The following ATP9A variants were observed in gnomAD, a reference collection of about 807,000 sequenced individuals.
The protein encoded by ATP9A is probable phospholipid-transporting ATPase IIA.
ATP9A carries 52 observed loss-of-function variants against 144.1 expected under a neutral mutation model. That is an observed-to-expected ratio of 0.36 (90% CI 0.29 to 0.45). The LOEUF is 0.45. Ranked by LOEUF, ATP9A falls within the 20% of genes least tolerant of loss-of-function variation. The pLI is 1.00. For missense variants in ATP9A, 947 were observed against 1,392.7 expected (o/e 0.68, Z 5.09); for synonymous variants, 582 against 557.4 (o/e 1.04, Z -0.62).
chr20:51,754,808 A>G (rs999146518), intron 1 of ATP9A, among the ~76,000 whole-genome samples: 1 of 151,510 alleles, frequency 6.6e-6, no homozygotes, highest in Admixed American at 6.6e-5. Flanking sequence ...AGAGTGAGAC[A>G]CTGTCTCAAT....
At chr20:51,628,948 A>C in intron 16 of ATP9A, 32 bp downstream of exon 16, 1 of 1,577,250 alleles carries the variant, frequency 6.3e-7, no homozygotes, top group East Asian at 2.2e-5. Flanking sequence ...CATGCTTCCA[A>C]GGCCTGGTTT....
chr20:51,627,731 A>T, intron 16 of ATP9A, 48 bp from the exon 17 acceptor site: 2 of 1,499,296 alleles, frequency 1.3e-6, no homozygotes, highest in Non-Finnish European at 1.9e-6. Context: ...AGAGCTCCTG[A>T]CCTCACTGGG....
chr20:51,717,169 C>CAAA (rs10577089), intron 3 of ATP9A, among the ~76,000 whole-genome samples: 10 of 101,488 alleles, frequency 9.9e-5, no homozygotes, highest in South Asian at 3.6e-4. Context: ...AAGACTGCCT[C>CAAA]AAAAAAAAAA....
intron 2 of ATP9A, 41 bp from the exon 3 acceptor site, chr20:51,725,973 T>A (rs371198256): frequency 1.7e-6 from 2 of 1,170,238 alleles, no homozygotes; most frequent in African/African-American, 3.0e-5. Context: ...ATTCAGGGCT[T>A]GTCTGATGAG....
intron 15 of ATP9A, among the ~76,000 whole-genome samples, chr20:51,632,981 AG>A (rs1157052751): frequency 2.0e-5 from 3 of 152,086 alleles, no homozygotes; most frequent in Admixed American, 2.0e-4. Context: ...AAAATGAGCC[AG>A]GCGTGGTGGC....
intron 4 of ATP9A, 99 bp downstream of exon 4, chr20:51,712,867 T>C: frequency 9.4e-7 from 1 of 1,066,116 alleles, no homozygotes; most frequent in Non-Finnish European, 1.4e-6. Flanking sequence ...CCACGTGGCA[T>C]TCCCACACCT....
chr20:51,742,132 C>T (rs753578882), intron 1 of ATP9A, among the ~76,000 whole-genome samples: 1 of 151,906 alleles, frequency 6.6e-6, no homozygotes, highest in African/African-American at 2.4e-5. Context: ...GAGACCAGCC[C>T]GAGCAACACG....
At position 51,678,617 on chromosome 20, in the gene ATP9A, T is replaced by A. The variant is rs1422186624; in HGVS notation, c.800-2409A>T. 3.9e-5 allele frequency among the ~76,000 whole-genome samples: 6 copies of A among 152,190 alleles called. No homozygotes were observed. In the East Asian group the frequency reaches 1.2e-3, roughly 29 times the overall value. On this transcript the variant is annotated intron_variant, in intron 9 of 27. Transcript: ENST00000338821. Reference sequence around the variant, plus strand: ...ACAGGCAGCCCTCCCTTCAGGCCCCTGTCACCACAGCAGATGGCTGGACAG... The same window carrying A: ...ACAGGCAGCCCTCCCTTCAGGCCCCAGTCACCACAGCAGATGGCTGGACAG...
intron 6 of ATP9A, among the ~76,000 whole-genome samples, chr20:51,695,677 GC>G (rs1001049410): frequency 6.6e-6 from 1 of 152,038 alleles, no homozygotes; most frequent in African/African-American, 2.4e-5. Context: ...CAGAAAAGAC[GC>G]CCACCTCTCC....
intron 8 of ATP9A, among the ~76,000 whole-genome samples, chr20:51,690,092 A>G (rs1310584009): frequency 7.3e-6 from 1 of 137,916 alleles, no homozygotes; most frequent in Non-Finnish European, 1.5e-5. Flanking sequence ...AGCCTAGGCG[A>G]CAGAAGGAGA....
rs148592110 is a variant in ATP9A at position 51,706,903 on chromosome 20, T to C, written c.436+6063A>G. Among the ~76,000 whole-genome samples, 1,091 of 152,324 alleles carry C rather than the reference T, an allele frequency of 7.2e-3. 5 individuals carry two copies. The highest frequency in any genetic ancestry group is 8.8e-3 in the Non-Finnish European group (596 of 68,020). ...TGCCACCTTTTTCCTATAGCATGCCTGTACTGTATATGAATTCTTCAAACA... is the reference window on the plus strand; with the variant it reads ...TGCCACCTTTTTCCTATAGCATGCCCGTACTGTATATGAATTCTTCAAACA... On this transcript the variant is annotated intron_variant, in intron 4 of 27. Coordinates refer to ENST00000338821, the MANE Select transcript of ATP9A (RefSeq NM_006045.3).
intron 4 of ATP9A, among the ~76,000 whole-genome samples, chr20:51,702,365 C>CGT (rs10578719): frequency 0.13 from 17,403 of 130,172 alleles, 1,129 homozygotes; most frequent in Middle Eastern, 0.21. Flanking sequence ...TGTGTGTGTT[C>CGT]GTGTGTGTGT....
intron 1 of ATP9A, 72 bp downstream of exon 1, chr20:51,768,230 C>T (rs995840233): frequency 5.7e-6 from 6 of 1,054,758 alleles, no homozygotes; most frequent in Non-Finnish European, 7.2e-6. Flanking sequence ...CTGTCAGGCC[C>T]GGCCAGGCTG....
In ATP9A at chr20:51,665,251, G is replaced by T. The variant is rs1252676678; in HGVS notation, c.1293+4746C>A. ...TGACAGCTGGGGGGATAGAGCAGGGGGGTTTGGGAACTCAAGGGATGTGGG... is the reference window on the plus strand; with the variant it reads ...TGACAGCTGGGGGGATAGAGCAGGGTGGTTTGGGAACTCAAGGGATGTGGG... On this transcript the variant is annotated intron_variant, in intron 13 of 27. Coordinates refer to ENST00000338821, the MANE Select transcript of ATP9A (RefSeq NM_006045.3). 2.0e-5 allele frequency among the ~76,000 whole-genome samples: 3 copies of T among 146,702 alleles called. No individual in the cohort carries two copies. The Admixed American group carries it at 2.1e-4, about 10-fold the overall frequency.
intron 15 of ATP9A, among the ~76,000 whole-genome samples, chr20:51,634,855 C>A (rs1163078476): frequency 1.5e-4 from 16 of 109,856 alleles, no homozygotes; most frequent in African/African-American, 1.9e-4. Flanking sequence ...AACTCCATCT[C>A]AAAAAAAAAA....
chr20:51,608,922 C>CGTGTGTGTATGTGT (rs1555827668), intron 24 of ATP9A, among the ~76,000 whole-genome samples: 21 of 142,794 alleles, frequency 1.5e-4, no homozygotes, highest in African/African-American at 5.5e-4. Context: ...GGAAATAAGA[C>CGTGTGTGTATGTGT]GTGTGTGTGT....
At chr20:51,736,564 G>C (rs1005899583) in intron 1 of ATP9A, among the ~76,000 whole-genome samples, 1 of 147,784 alleles carries the variant, frequency 6.8e-6, no homozygotes, top group Non-Finnish European at 1.5e-5. Flanking sequence ...ATATTGCCCA[G>C]GCAGGTCTCG....
intron 15 of ATP9A, 149 bp from the exon 16 acceptor site, chr20:51,629,221 GC>G: frequency 1.8e-6 from 1 of 568,940 alleles, no homozygotes. Context: ...GCGAGAAGGG[GC>G]CTCATTTAGG....
intron 4 of ATP9A, among the ~76,000 whole-genome samples, chr20:51,701,868 T>G (rs1261930023): frequency 6.6e-6 from 1 of 152,138 alleles, no homozygotes; most frequent in East Asian, 1.9e-4. Context: ...CTTTTGGTGA[T>G]CAAAAACACG....
Sources: gnomAD v4.1 joint callset for allele counts (sites outside exome capture counted in the v4.1 genomes callset) on GRCh38, gnomAD v4.1.1 for gene constraint, MANE v1.5 for transcripts, NCBI Gene and HGNC (gene_info 2026-07-23, HGNC 2026-07-21) for gene names.